The following SLC27A6 variants were observed in gnomAD, a reference collection of about 807,000 sequenced individuals.
SLC27A6 encodes the protein long-chain fatty acid transport protein 6.
SLC27A6 carries 74 observed loss-of-function variants against 63.9 expected under a neutral mutation model. The ratio of observed to expected loss-of-function variants is 1.16; its 90% CI spans 0.96 to 1.40. The LOEUF is 1.40. SLC27A6 is among the 40% of genes most tolerant of loss of function. The probability of loss-of-function intolerance (pLI) is 0.00; values close to 1 mark genes in which losing one functional copy is unlikely to be tolerated. For missense variants in SLC27A6, 794 were observed against 732.9 expected (o/e 1.08, Z -0.96); for synonymous variants, 287 against 260.8 (o/e 1.10, Z -0.97).
chr5:129,012,242 A>G (rs1317588997), intron 4 of SLC27A6, among the ~76,000 whole-genome samples: 1 of 151,492 alleles, frequency 6.6e-6, no homozygotes, highest in African/African-American at 2.4e-5. Context: ...AAGGTGTATT[A>G]TTATTATGCA....
At chr5:128,968,644 T>C (rs1750007612) in intron 1 of SLC27A6, among the ~76,000 whole-genome samples, 1 of 152,198 alleles carries the variant, frequency 6.6e-6, no homozygotes, top group Non-Finnish European at 1.5e-5. Context: ...TTTAAGTTCT[T>C]TGTAGATTCT....
At chr5:128,971,063 C>T (rs945288873) in intron 1 of SLC27A6, among the ~76,000 whole-genome samples, 9 of 152,092 alleles carry the variant, frequency 5.9e-5, no homozygotes, top group Non-Finnish European at 8.8e-5. Context: ...TGTAGTTGTG[C>T]GGTTTTGAGT....
chr5:129,032,312 A>G (rs759706368), intron 9 of SLC27A6, among the ~76,000 whole-genome samples: 2 of 152,012 alleles, frequency 1.3e-5, no homozygotes, highest in Admixed American at 6.6e-5. Context: ...AATAACCACA[A>G]TCAGTCACTA....
intron 5 of SLC27A6, among the ~76,000 whole-genome samples, chr5:129,017,470 CTA>C (rs1186034847): frequency 2.6e-5 from 4 of 151,680 alleles, no homozygotes; most frequent in African/African-American, 4.8e-5. Flanking sequence ...GTAACTATCT[CTA>C]TAAGTTAATT....
intron 5 of SLC27A6, among the ~76,000 whole-genome samples, chr5:129,019,755 T>C (rs904389256): frequency 1.3e-5 from 2 of 151,908 alleles, no homozygotes; most frequent in Admixed American, 1.3e-4. Flanking sequence ...GGGAGAAAGA[T>C]GAGTGGAATT....
At chr5:128,982,071 C>T (rs560397480) in intron 1 of SLC27A6, among the ~76,000 whole-genome samples, 11 of 152,234 alleles carry the variant, frequency 7.2e-5, no homozygotes, top group Non-Finnish European at 1.3e-4. Flanking sequence ...GCTTCAGCCT[C>T]CTAAGGTGCT....
intron 4 of SLC27A6, among the ~76,000 whole-genome samples, chr5:128,991,270 T>C (rs1750973174): frequency 2.0e-5 from 3 of 152,184 alleles, no homozygotes; most frequent in Admixed American, 6.5e-5. Context: ...TAAAGGTAGG[T>C]GCAGTCACCT....
intron 4 of SLC27A6, among the ~76,000 whole-genome samples, chr5:129,013,059 T>C (rs1197604423): frequency 6.6e-6 from 1 of 152,038 alleles, no homozygotes; most frequent in African/African-American, 2.4e-5. Context: ...TTATTAGTTT[T>C]CAGTGATTAG....
Position 129,023,024 on chromosome 5 carries a change from C to G in SLC27A6, c.1165-596C>G, listed in dbSNP as rs376442159. ...GGGAGTTTTCTAATAAATTTATCAT[C>G]TCACACCAAAAGAGTGTGGAGAAGC... On this transcript the variant is annotated intron_variant, in intron 5 of 9. Transcript: ENST00000262462. Among the ~76,000 whole-genome samples the G allele has an allele frequency of 1.3e-4, 20 of 152,160 alleles. 1 individual carries two copies. The highest frequency in any genetic ancestry group is 4.8e-4 in the African/African-American group (20 of 41,518).
chr5:128,968,533 T>C (rs1446865882), intron 1 of SLC27A6, among the ~76,000 whole-genome samples: 2 of 152,242 alleles, frequency 1.3e-5, no homozygotes, highest in Admixed American at 1.3e-4. Flanking sequence ...CATTTTTTCA[T>C]GTGTCTGTTG....
intron 4 of SLC27A6, among the ~76,000 whole-genome samples, chr5:129,010,026 T>C (rs1284964905): frequency 5.9e-5 from 9 of 152,222 alleles, no homozygotes; most frequent in Non-Finnish European, 2.9e-5. Context: ...TTTTAATAAA[T>C]CGTATTTTTT....
At position 128,972,228 on chromosome 5, in the gene SLC27A6, C is replaced by T. The variant is rs576646917; in HGVS notation, c.481+5610C>T. On this transcript the variant is annotated intron_variant, in intron 1 of 9. Coordinates refer to ENST00000262462, the MANE Select transcript of SLC27A6 (RefSeq NM_001017372.3). ...TTCATTTCAACTTTGGTGAATCTGA[C>T]AATTATGTGTCTTGGGGTTGCTCTT... Among the ~76,000 whole-genome samples, 38 of 152,228 alleles carry T rather than the reference C, an allele frequency of 2.5e-4. 1 individual carries two copies. The highest frequency in any genetic ancestry group is 9.1e-4 in the African/African-American group (38 of 41,546).
At chr5:128,997,180 TTTAA>T (rs1481074406) in intron 4 of SLC27A6, among the ~76,000 whole-genome samples, 2 of 152,312 alleles carry the variant, frequency 1.3e-5, no homozygotes, top group East Asian at 3.9e-4. Context: ...TAATGTAAAC[TTTAA>T]TTGTTATCAA....
At chr5:128,981,413 G>A (rs1379975682) in intron 1 of SLC27A6, among the ~76,000 whole-genome samples, 4 of 151,894 alleles carry the variant, frequency 2.6e-5, no homozygotes, top group African/African-American at 7.3e-5. Flanking sequence ...CCTGGGTGGC[G>A]GAGGTTGTAG....
At chr5:129,007,851 G>A (rs1351719112) in intron 4 of SLC27A6, among the ~76,000 whole-genome samples, 1 of 152,020 alleles carries the variant, frequency 6.6e-6, no homozygotes, top group Non-Finnish European at 1.5e-5. Flanking sequence ...GAACAATGTA[G>A]CAGTTCAAAA....
At chr5:129,002,532 C>T (rs1336123503) in intron 4 of SLC27A6, among the ~76,000 whole-genome samples, 7 of 151,534 alleles carry the variant, frequency 4.6e-5, no homozygotes, top group Non-Finnish European at 1.0e-4. Context: ...CTCTCTCCCA[C>T]CCTCCCTCAC....
chr5:129,006,190 C>A (rs1230723455), intron 4 of SLC27A6, among the ~76,000 whole-genome samples: 2 of 149,098 alleles, frequency 1.3e-5, no homozygotes, highest in Non-Finnish European at 3.0e-5. Context: ...GCCATTCTCC[C>A]GCCTCAGCCT....
At chr5:129,023,535 C>A in intron 5 of SLC27A6, 85 bp from the exon 6 acceptor site, 1 of 837,958 alleles carries the variant, frequency 1.2e-6, no homozygotes, top group Non-Finnish European at 1.9e-6. Context: ...TAGTCTACTA[C>A]AGTAGACTAA....
At chr5:129,017,871 C>T (rs1020484582) in intron 5 of SLC27A6, among the ~76,000 whole-genome samples, 4 of 152,158 alleles carry the variant, frequency 2.6e-5, no homozygotes, top group Admixed American at 6.6e-5. Flanking sequence ...GATAGCTTTC[C>T]CACTCAGGAT....
Sources: gnomAD v4.1 joint callset for allele counts (sites outside exome capture counted in the v4.1 genomes callset) on GRCh38, gnomAD v4.1.1 for gene constraint, MANE v1.5 for transcripts, NCBI Gene and HGNC (gene_info 2026-07-23, HGNC 2026-07-21) for gene names.